The following CD109 variants were observed in gnomAD, a reference collection of about 807,000 sequenced individuals.
CD109 encodes the protein CD109 antigen.
In CD109, 149 loss-of-function variants were observed where a neutral mutation model predicts 165.8. The observed-to-expected ratio is 0.90, with a 90% CI of 0.79 to 1.03. The LOEUF (loss-of-function observed/expected upper bound fraction) is 1.03. Ranked by LOEUF, CD109 falls within the 50% of genes least tolerant of loss-of-function variation. The pLI is 0.00. For synonymous variants in CD109, 585 were observed against 592.1 expected, an observed-to-expected ratio of 0.99 and a Z score of 0.18; for missense variants, 1,712 against 1,677.8, an observed-to-expected ratio of 1.02 and a Z score of -0.36.
chr6:73,740,206 G>T (rs532972623), intron 5 of CD109, among the ~76,000 whole-genome samples: 2 of 152,212 alleles, frequency 1.3e-5, no homozygotes, highest in African/African-American at 4.8e-5. Context: ...ATTCCATTTT[G>T]TCTGTAGAAA....
chr6:73,737,769 G>A (rs1772603232), intron 5 of CD109, among the ~76,000 whole-genome samples: 1 of 152,192 alleles, frequency 6.6e-6, no homozygotes, highest in African/African-American at 2.4e-5. Context: ...TGGGAGTAGG[G>A]AAAATGGAAG....
intron 23 of CD109, among the ~76,000 whole-genome samples, chr6:73,795,516 T>C (rs1365658271): frequency 6.6e-6 from 1 of 152,190 alleles, no homozygotes; most frequent in South Asian, 2.1e-4. Context: ...CAAACTGTAG[T>C]TTTTCAAAGT....
chr6:73,726,594 A>G lies in CD109; in HGVS notation c.276+3315A>G, dbSNP rs565556706. Among the ~76,000 whole-genome samples the G allele has an allele frequency of 8.0e-4, 122 of 152,340 alleles. 1 individual carries two copies. The highest frequency in any genetic ancestry group is 2.8e-3 in the African/African-American group (116 of 41,568). On this transcript the variant is annotated intron_variant, in intron 3 of 32. Transcript: ENST00000287097. The stretch of plus-strand genomic sequence containing the variant: ...GTTTCCTTACAGCAGTGAATCTTTC[A>G]GAGAAGGTGAAATGGCTTTAGACAG...
intron 23 of CD109, among the ~76,000 whole-genome samples, chr6:73,795,965 C>T (rs1304109134): frequency 6.6e-6 from 1 of 152,138 alleles, no homozygotes; most frequent in African/African-American, 2.4e-5. Flanking sequence ...CAACAAATAT[C>T]AGCTATAGTA....
chr6:73,687,450 C>G, the CD109 span, among the ~76,000 whole-genome samples: 1 of 149,964 alleles, frequency 6.7e-6, no homozygotes. Context: ...TCCTTTCCCC[C>G]TCCCCTTCCC....
chr6:73,762,817 A>C lies in CD109; in HGVS notation c.932A>C (p.Glu311Ala). 1 of 1,612,496 alleles carries C rather than the reference A, an allele frequency of 6.2e-7. No homozygotes were observed. The highest frequency in any genetic ancestry group is 1.7e-5 in the Admixed American group (1 of 59,970). Residue 311 changes from glutamate (E) to alanine (A), a missense_variant, in exon 9 of 33, where the codon GAA (glutamate) becomes GCA (alanine). By Grantham distance (107) the Glu-to-Ala change is moderately radical (BLOSUM62 -1). Coordinates refer to ENST00000287097, the MANE Select transcript of CD109 (RefSeq NM_133493.5). ...NVMDSSNGLS[E>A]YLDLSSPGPV... ...ATGGATTCTTCAAATGGACTTTCTG[A>C]ATACCTGGATCTATCTTCCCCTGGA...
chr6:73,696,174 C>T (rs1382218923), upstream of CD109: 4 of 1,535,268 alleles, frequency 2.6e-6, no homozygotes, highest in Non-Finnish European at 3.5e-6. Context: ...TGCCCGCGAA[C>T]TTCCCCGGCA....
intron 3 of CD109, 75 bp downstream of exon 3, chr6:73,723,354 G>C: frequency 4.4e-6 from 5 of 1,145,826 alleles, no homozygotes; most frequent in Non-Finnish European, 6.4e-6. Flanking sequence ...TATTTTATTG[G>C]ATTTTATGTC....
At chr6:73,791,236 G>A (rs1774955147) in intron 22 of CD109, among the ~76,000 whole-genome samples, 1 of 126,488 alleles carries the variant, frequency 7.9e-6, no homozygotes, top group African/African-American at 3.1e-5. Flanking sequence ...TTTTTTGGAA[G>A]AGGCAGGGTT....
At chr6:73,698,512 G>A (rs577569907) in intron 2 of CD109, among the ~76,000 whole-genome samples, 1 of 151,488 alleles carries the variant, frequency 6.6e-6, no homozygotes, top group East Asian at 1.9e-4. Flanking sequence ...AATGTTAAGA[G>A]TTATTTAAAA....
Position 73,806,955 on chromosome 6 carries a change from C to G in CD109, c.3072C>G (p.Asn1024Lys), listed in dbSNP as rs374538782. 6.2e-7 allele frequency: 1 copy of G among 1,613,902 alleles called. No homozygotes were observed. The highest frequency in any genetic ancestry group is 8.5e-7 in the Non-Finnish European group (1 of 1,179,944). Residue 1024 changes from asparagine to lysine, a missense_variant, in exon 25 of 33, where the codon AAC (asparagine) becomes AAG (lysine). Transcript: ENST00000287097. The stretch of plus-strand genomic sequence containing the variant: ...GGCTTAAAGGACATCAGAAATCCAA[C>G]GGTGAATTTTGGGATCCAGGAAGAG... Reference protein sequence around the residue: ...YTWLKGHQKSNGEFWDPGRVI... With the variant: ...YTWLKGHQKSKGEFWDPGRVI...
intron 2 of CD109, among the ~76,000 whole-genome samples, chr6:73,714,520 C>T (rs776879439): frequency 6.6e-6 from 1 of 152,208 alleles, no homozygotes; most frequent in African/African-American, 2.4e-5. Context: ...CCACCGAATA[C>T]TCCTTAGTAA....
chr6:73,740,080 T>C (rs1772712544), intron 5 of CD109, among the ~76,000 whole-genome samples: 2 of 152,148 alleles, frequency 1.3e-5, no homozygotes, highest in Admixed American at 1.3e-4. Flanking sequence ...GGTCTTGTTA[T>C]GTTGCCCAGG....
chr6:73,807,388 A>G (rs1319875480), intron 25 of CD109, among the ~76,000 whole-genome samples: 1 of 152,222 alleles, frequency 6.6e-6, no homozygotes, highest in Non-Finnish European at 1.5e-5. Context: ...AAAGAAAATT[A>G]TTTAAAATTT....
chr6:73,820,195 C>T (rs1776062596), intron 31 of CD109, among the ~76,000 whole-genome samples: 1 of 152,072 alleles, frequency 6.6e-6, no homozygotes, highest in Non-Finnish European at 1.5e-5. Context: ...GTGCATGCAC[C>T]CTAAGGCTTG....
chr6:73,787,147 T>C, intron 20 of CD109, 87 bp from the exon 21 acceptor site: 1 of 780,620 alleles, frequency 1.3e-6, no homozygotes, highest in South Asian at 1.8e-5. Context: ...GCCTCACAGA[T>C]TTGACAGTAC....
At position 73,808,302 on chromosome 6, in the gene CD109, C is replaced by A. The variant is rs1398483775; in HGVS notation, c.3355+54C>A. 1.9e-6 allele frequency: 3 copies of A among 1,542,652 alleles called. No individual in the cohort carries two copies. The East Asian group carries it at 6.8e-5, about 35-fold the overall frequency. On this transcript the variant is annotated intron_variant, in intron 26 of 32. Coordinates refer to ENST00000287097, the MANE Select transcript of CD109 (RefSeq NM_133493.5). Reference sequence around the variant, plus strand: ...TATGCTTTATGAAATATATAACTTACATGAGAAAAATTTTTAGCCAGGTTT... The same window carrying A: ...TATGCTTTATGAAATATATAACTTAAATGAGAAAAATTTTTAGCCAGGTTT...
chr6:73,770,967 C>T (rs1774011824), intron 14 of CD109, among the ~76,000 whole-genome samples: 1 of 152,176 alleles, frequency 6.6e-6, no homozygotes, highest in African/African-American at 2.4e-5. Flanking sequence ...GGAAAGGCCA[C>T]CCCTCACCCT....
At chr6:73,796,904 T>G (rs911851569) in intron 23 of CD109, among the ~76,000 whole-genome samples, 2 of 152,210 alleles carry the variant, frequency 1.3e-5, no homozygotes, top group South Asian at 4.1e-4. Flanking sequence ...TCATCTCACA[T>G]GCTGAACTAA....
Sources: gnomAD v4.1 joint callset for allele counts (sites outside exome capture counted in the v4.1 genomes callset) on GRCh38, gnomAD v4.1.1 for gene constraint, MANE v1.5 for transcripts, NCBI Gene and HGNC (gene_info 2026-07-23, HGNC 2026-07-21) for gene names.